LGALS1: variants seen among roughly 807,000 people sequenced by gnomAD.
LGALS1 encodes galectin 1.
LGALS1 carries 14 observed loss-of-function variants against 14.4 expected under a neutral mutation model. The observed-to-expected ratio is 0.97, with a 90% CI of 0.64 to 1.52. LGALS1 has a LOEUF of 1.52. Ranked by LOEUF, LGALS1 falls within the 40% of genes most tolerant of loss-of-function variation. The pLI, the probability that LGALS1 is intolerant of heterozygous loss-of-function variation, is 0.00. For missense variants in LGALS1, 170 were observed against 181.4 expected (o/e 0.94, Z 0.36); for synonymous variants, 71 against 73.4 (o/e 0.97, Z 0.17).
At position 37,679,739 on chromosome 22, in the gene LGALS1, C is replaced by A. The variant is rs1456032932; in HGVS notation, c.398C>A (p.Ala133Asp). The part of the protein sequence containing the change: ...ADGDFKIKCV[A>D]FD ...GGTGACTTCAAGATCAAATGTGTGG[C>A]CTTTGACTGAAATCAGCCAGCCCAT... Residue 133 changes from alanine to aspartate, a missense_variant, in exon 4 of 4, where the codon GCC becomes GAC. Ala to Asp is a moderately radical substitution (Grantham distance 126). Coordinates refer to ENST00000215909, the MANE Select transcript of LGALS1 (RefSeq NM_002305.4). The A allele has an allele frequency of 6.3e-7, 1 of 1,593,422 alleles. No individual in the cohort carries two copies. The highest frequency in any genetic ancestry group is 8.6e-7 in the Non-Finnish European group (1 of 1,168,688).
rs766763128 is a variant in LGALS1 at position 37,676,931 on chromosome 22, C to G, written c.10-55C>G. 61 of 1,579,344 alleles carry G rather than the reference C, an allele frequency of 3.9e-5. No individual in the cohort carries two copies. In the East Asian group the frequency reaches 1.2e-3, roughly 31 times the overall value. On this transcript the variant is annotated intron_variant, in intron 1 of 3. Coordinates refer to ENST00000215909, the MANE Select transcript of LGALS1 (RefSeq NM_002305.4). ...CACCCCCAGCCACCCCCGGACACTT[C>G]GAGCAGTGGAGGCCTTGTCCTCTAA...
intron 2 of LGALS1, chr22:37,677,448 C>A (rs1354609961): frequency 3.7e-6 from 1 of 270,442 alleles, no homozygotes. Flanking sequence ...GTCATTCATT[C>A]ATTCACTGGC....
At chr22:37,677,153 T>G (rs1921459291) in intron 2 of LGALS1, 88 bp downstream of exon 2, 1 of 1,306,770 alleles carries the variant, frequency 7.7e-7, no homozygotes, top group African/African-American at 1.5e-5. Context: ...ATCTCCTCCC[T>G]GGCCGGGAGC....
At chr22:37,676,091 T>G in intron 1 of LGALS1, 2 of 180,666 alleles carry the variant, frequency 1.1e-5, no homozygotes, top group Non-Finnish European at 2.3e-5. Flanking sequence ...CCTGCAGCTG[T>G]CCCGGTCACC....
In LGALS1 at chr22:37,679,630, C is replaced by G; in HGVS notation, c.289C>G (p.Leu97Val). The G allele has an allele frequency of 1.2e-6, 2 of 1,609,252 alleles. No individual in the cohort carries two copies. The highest frequency in any genetic ancestry group is 1.7e-6 in the Non-Finnish European group (2 of 1,178,410). Residue 97 changes from leucine (L) to valine (V), a missense_variant, in exon 4 of 4, where the codon CTG becomes GTG. Leu to Val is a conservative substitution (Grantham distance 32). Coordinates refer to ENST00000215909, the MANE Select transcript of LGALS1 (RefSeq NM_002305.4). The stretch of plus-strand genomic sequence containing the variant: ...GTGCATCACCTTCGACCAGGCCAAC[C>G]TGACCGTCAAGCTGCCAGATGGATA... The part of the protein sequence containing the change: ...EVCITFDQAN[L>V]TVKLPDGYEF...
intron 1 of LGALS1, 71 bp from the exon 2 acceptor site, chr22:37,676,915 C>T (rs1921447562): frequency 2.0e-6 from 3 of 1,537,458 alleles, no homozygotes; most frequent in Non-Finnish European, 2.7e-6. Flanking sequence ...CCACCCCCAG[C>T]CACCCCCGGA....
chr22:37,676,695 CTT>C (rs1921438754), intron 1 of LGALS1, among the ~76,000 whole-genome samples: 1 of 152,270 alleles, frequency 6.6e-6, no homozygotes, highest in Non-Finnish European at 1.5e-5. Context: ...CCAAGTCACT[CTT>C]GAGTCCAAAA....
chr22:37,677,130 C>T, intron 2 of LGALS1, 65 bp downstream of exon 2: 4 of 1,499,696 alleles, frequency 2.7e-6, no homozygotes, highest in Non-Finnish European at 3.7e-6. Context: ...AGGGCGTGGC[C>T]GGCCAAGCCC....
intron 2 of LGALS1, chr22:37,677,359 T>G (rs1921471208): frequency 1.0e-5 from 4 of 392,698 alleles, no homozygotes; most frequent in African/African-American, 4.1e-5. Context: ...GGGCGGGACC[T>G]GTCGCTGGGG....
At chr22:37,678,738 C>T (rs1271394165) in intron 3 of LGALS1, 84 bp downstream of exon 3, 33 of 1,372,594 alleles carry the variant, frequency 2.4e-5, no homozygotes, top group Middle Eastern at 2.5e-4. Flanking sequence ...GAGACCTTGG[C>T]CCTGCCTGCT....
In LGALS1 at chr22:37,678,293, T is replaced by C. The variant is rs1449091319; in HGVS notation, c.90-190T>C. ...GCGAGCCCTCCTGTGCAGCCCCCAT[T>C]GTACAGATGAGCAAACAGGGGAAGA... On this transcript the variant is annotated intron_variant, in intron 2 of 3. Transcript: ENST00000215909. 5.6e-6 allele frequency: 4 copies of C among 719,966 alleles called. No individual in the cohort carries two copies. The East Asian group carries it at 8.2e-5, about 15-fold the overall frequency. 44.6% of individuals were successfully genotyped at this position (719,966 alleles called of 1,614,324 possible).
At chr22:37,677,402 G>T (rs1048946570) in intron 2 of LGALS1, 24 of 325,218 alleles carry the variant, frequency 7.4e-5, no homozygotes, top group Non-Finnish European at 1.0e-4. Context: ...GGGCGTCACC[G>T]CCGCCTTCCC....
Position 37,679,675 on chromosome 22 carries a change from C to T in LGALS1, c.334C>T (p.Arg112Cys), listed in dbSNP as rs1321702431. ...TGGATACGAATTCAAGTTCCCCAACCGCCTCAACCTGGAGGCCATCAACTA... is the reference window on the plus strand; with the variant it reads ...TGGATACGAATTCAAGTTCCCCAACTGCCTCAACCTGGAGGCCATCAACTA... ...PDGYEFKFPN[R>C]LNLEAINYMA... Residue 112 changes from arginine (R) to cysteine (C), a missense_variant, in exon 4 of 4, where the codon CGC becomes TGC. Transcript: ENST00000215909. 5.6e-6 allele frequency: 9 copies of T among 1,610,734 alleles called. No homozygotes were observed. Among genetic ancestry groups the T allele is most frequent in the Admixed American group, 3.4e-5 (2 of 59,404 alleles).
At chr22:37,677,877 C>T (rs889143553) in intron 2 of LGALS1, among the ~76,000 whole-genome samples, 2 of 152,042 alleles carry the variant, frequency 1.3e-5, no homozygotes, top group Admixed American at 6.6e-5. Context: ...CTCCGCCTCC[C>T]GGGTTCAAAC....
chr22:37,678,364 T>C (rs917450530), intron 2 of LGALS1, 119 bp from the exon 3 acceptor site: 2 of 1,114,120 alleles, frequency 1.8e-6, no homozygotes, highest in Non-Finnish European at 2.7e-6. Context: ...CCAGGTTTCT[T>C]GTCTCTGTTA....
intron 1 of LGALS1, 59 bp from the exon 2 acceptor site, chr22:37,676,927 A>G: frequency 6.4e-7 from 1 of 1,553,272 alleles, no homozygotes; most frequent in Admixed American, 1.7e-5. Context: ...ACCCCCGGAC[A>G]CTTCGAGCAG....
chr22:37,679,187 T>C (rs1241297187), intron 3 of LGALS1, among the ~76,000 whole-genome samples: 4 of 148,356 alleles, frequency 2.7e-5, no homozygotes, highest in Non-Finnish European at 5.9e-5. Flanking sequence ...ATCCTGGCAC[T>C]TTGGGAGACC....
In LGALS1 at chr22:37,676,987, G is replaced by A. The variant is rs1280877841; in HGVS notation, c.11G>A (p.Gly4Asp). The A allele has an allele frequency of 1.9e-6, 3 of 1,614,018 alleles. No homozygotes were observed. Among genetic ancestry groups the A allele is most frequent in the Non-Finnish European group, 2.5e-6 (3 of 1,180,032 alleles). Residue 4 changes from glycine to aspartate, a missense_variant and splice_region_variant, in exon 2 of 4, where the codon GGT becomes GAT. Coordinates refer to ENST00000215909, the MANE Select transcript of LGALS1 (RefSeq NM_002305.4). ...CTGGGCCGGGGCTTGTCTGTGCAGG[G>A]TCTGGTCGCCAGCAACCTGAATCTC... Reference protein sequence around the residue: MACGLVASNLNLKP... With the variant: MACDLVASNLNLKP...
In LGALS1 at chr22:37,675,636, A is replaced by G. The variant is rs1269582196; in HGVS notation, c.-67A>G. On this transcript the variant is annotated 5_prime_UTR_variant, in exon 1 of 4. Transcript: ENST00000215909. ...AAAGGGTGGGAGCGTCCGGGGGCCC[A>G]TCTCTCTCGGGTGGAGTCTTCTGAC... The G allele has an allele frequency of 1.3e-6, 2 of 1,534,350 alleles. No homozygotes were observed. Among genetic ancestry groups the G allele is most frequent in the South Asian group, 1.2e-5 (1 of 83,178 alleles).
Sources: allele counts gnomAD v4.1 joint callset (sites outside exome capture counted in the v4.1 genomes callset), GRCh38; gene constraint gnomAD v4.1.1; transcripts MANE v1.5; gene names NCBI Gene and HGNC (gene_info 2026-07-23, HGNC 2026-07-21).